Variants in DNAH14 observed in about 807,000 individuals in gnomAD.
The protein encoded by DNAH14 is axonemal beta dynein heavy chain 14.
A neutral mutation model predicts 520.9 loss-of-function variants in DNAH14; 478 were observed. The observed-to-expected ratio is 0.92, with a 90% CI of 0.85 to 0.99. The LOEUF (loss-of-function observed/expected upper bound fraction) is 0.99. Among genes scored for constraint, DNAH14 ranks in the 50% least tolerant of loss-of-function variants. DNAH14 has a pLI of 0.00. For missense variants in DNAH14, 4,831 were observed against 5,234.5 expected, an observed-to-expected ratio of 0.92 and a Z score of 2.38; for synonymous variants, 1,581 against 1,757.2, an observed-to-expected ratio of 0.90 and a Z score of 2.51.
chr1:225,094,905 C>A (rs557987160), intron 21 of DNAH14, among the ~76,000 whole-genome samples: 60 of 149,510 alleles, frequency 4.0e-4, no homozygotes, highest in African/African-American at 1.4e-3. Context: ...ACATGGCCAA[C>A]AAGCATATGA....
intron 54 of DNAH14, among the ~76,000 whole-genome samples, chr1:225,289,678 G>A (rs1333089093): frequency 6.6e-6 from 1 of 151,970 alleles, no homozygotes. Flanking sequence ...ATGGAAAGAT[G>A]AAAATATTGA....
chr1:225,122,744 A>T (rs2077398236), intron 26 of DNAH14, among the ~76,000 whole-genome samples: 1 of 152,186 alleles, frequency 6.6e-6, no homozygotes, highest in South Asian at 2.1e-4. Flanking sequence ...AATGTATAAA[A>T]AGTTGTTATT....
chr1:225,237,307 C>T (rs531359970), intron 42 of DNAH14, among the ~76,000 whole-genome samples: 1 of 152,158 alleles, frequency 6.6e-6, no homozygotes, highest in Non-Finnish European at 1.5e-5. Context: ...GCAAGGCAGG[C>T]CTGCTGGTGA....
chr1:224,936,108 A>G (rs1034566128), intron 1 of DNAH14, among the ~76,000 whole-genome samples: 2 of 151,904 alleles, frequency 1.3e-5, no homozygotes, highest in Non-Finnish European at 3.0e-5. Context: ...CCTACATGAA[A>G]AAAAGTAGGA....
chr1:224,962,473 T>C (rs929596834), intron 4 of DNAH14, among the ~76,000 whole-genome samples: 4 of 152,176 alleles, frequency 2.6e-5, no homozygotes, highest in Non-Finnish European at 5.9e-5. Context: ...ACCCTAAAGC[T>C]AGCTGAGAAC....
intron 49 of DNAH14, among the ~76,000 whole-genome samples, chr1:225,268,172 T>G (rs192614127): frequency 5.8e-4 from 89 of 152,154 alleles, no homozygotes; most frequent in Non-Finnish European, 9.6e-4. Flanking sequence ...TTGTTTCGTT[T>G]TGTTTTTAAA....
chr1:225,171,430 A>C (rs1482926687), intron 36 of DNAH14, among the ~76,000 whole-genome samples: 1 of 152,198 alleles, frequency 6.6e-6, no homozygotes, highest in Non-Finnish European at 1.5e-5. Flanking sequence ...AAAAATGATA[A>C]AGGGGATATC....
At chr1:224,958,999 A>G (rs1301733472) in intron 3 of DNAH14, among the ~76,000 whole-genome samples, 2 of 152,048 alleles carry the variant, frequency 1.3e-5, no homozygotes, top group Non-Finnish European at 2.9e-5. Flanking sequence ...GAGAGTAAGG[A>G]GTGTTAAAAC....
chr1:225,202,778 A>G (rs567504776), intron 38 of DNAH14, among the ~76,000 whole-genome samples: 1 of 152,266 alleles, frequency 6.6e-6, no homozygotes, highest in East Asian at 1.9e-4. Context: ...CCTTTTCTCA[A>G]TGCCTCTGTC....
chr1:225,300,749 A>G (rs2094123836), intron 55 of DNAH14, 120 bp from the exon 56 acceptor site: 1 of 1,102,352 alleles, frequency 9.1e-7, no homozygotes. Flanking sequence ...TAAAAAAAAA[A>G]ATCACTTAGC....
chr1:225,103,245 C>T (rs951854853), intron 23 of DNAH14, among the ~76,000 whole-genome samples: 4 of 152,166 alleles, frequency 2.6e-5, no homozygotes, highest in Admixed American at 6.5e-5. Flanking sequence ...TTCCATTGAT[C>T]TATATCTCTG....
intron 26 of DNAH14, among the ~76,000 whole-genome samples, chr1:225,122,300 T>C (rs2148887985): frequency 6.6e-6 from 1 of 152,324 alleles, no homozygotes; most frequent in African/African-American, 2.4e-5. Flanking sequence ...TACTAGTTTC[T>C]AACTACAACA....
intron 35 of DNAH14, among the ~76,000 whole-genome samples, chr1:225,159,692 A>AC (rs1157221373): frequency 2.0e-5 from 3 of 152,170 alleles, no homozygotes; most frequent in African/African-American, 7.2e-5. Flanking sequence ...ATAAGAATGA[A>AC]CCATGTACCT....
intron 52 of DNAH14, among the ~76,000 whole-genome samples, chr1:225,274,267 C>T (rs2093405765): frequency 7.2e-6 from 1 of 138,170 alleles, no homozygotes; most frequent in South Asian, 2.4e-4. Context: ...TGCTGTGGCG[C>T]GATCTCTGCT....
intron 8 of DNAH14, among the ~76,000 whole-genome samples, chr1:224,994,101 T>C (rs996090017): frequency 6.6e-6 from 1 of 152,082 alleles, no homozygotes; most frequent in Non-Finnish European, 1.5e-5. Context: ...TGGCCTAACA[T>C]GTGATCTCTC....
intron 21 of DNAH14, among the ~76,000 whole-genome samples, chr1:225,087,621 C>T (rs1289287554): frequency 2.0e-5 from 3 of 152,150 alleles, no homozygotes; most frequent in Non-Finnish European, 4.4e-5. Flanking sequence ...GTTTCCAGAC[C>T]TTGGAGAAGG....
At chr1:225,113,638 A>G (rs775347246) in intron 23 of DNAH14, among the ~76,000 whole-genome samples, 1 of 152,058 alleles carries the variant, frequency 6.6e-6, no homozygotes, top group Non-Finnish European at 1.5e-5. Context: ...ATAGTCAGAA[A>G]CCTTAGAAAT....
At chr1:225,290,775 A>ATGTGTT (rs1312270143) in intron 55 of DNAH14, among the ~76,000 whole-genome samples, 3 of 149,112 alleles carry the variant, frequency 2.0e-5, no homozygotes, top group African/African-American at 7.4e-5. Flanking sequence ...ATAATTGTAC[A>ATGTGTT]TGTGTTTATG....
Position 225,159,088 on chromosome 1 carries a change from G to A in DNAH14, c.5274-226G>A, listed in dbSNP as rs891579196. On this transcript the variant is annotated intron_variant, in intron 34 of 85. Transcript: ENST00000682510. ...ATACAGTACCTTTCTCTGATTCAAT[G>A]TCTGGGGATTGGTGTTGCTCTTATT... Among the ~76,000 whole-genome samples the A allele has an allele frequency of 5.3e-5, 8 of 152,146 alleles. No individual in the cohort carries two copies. The East Asian group carries it at 9.6e-4, about 18-fold the overall frequency.
Sources: gnomAD v4.1 joint callset for allele counts (sites outside exome capture counted in the v4.1 genomes callset) on GRCh38, gnomAD v4.1.1 for gene constraint, MANE v1.5 for transcripts, NCBI Gene and HGNC (gene_info 2026-07-23, HGNC 2026-07-21) for gene names.